The following THEMIS2 variants were observed in gnomAD, a reference collection of about 807,000 sequenced individuals.
THEMIS2 encodes protein THEMIS2.
In THEMIS2, 29 loss-of-function variants were observed where a neutral mutation model predicts 46.8. That is an observed-to-expected ratio of 0.62 (90% CI 0.46 to 0.84). The LOEUF is 0.84. Among genes scored for constraint, THEMIS2 ranks in the 40% least tolerant of loss-of-function variants. The probability of loss-of-function intolerance (pLI) is 0.00; values close to 1 mark genes in which losing one functional copy is unlikely to be tolerated. For missense variants in THEMIS2, 698 were observed against 834.7 expected, an observed-to-expected ratio of 0.84 and a Z score of 2.02; for synonymous variants, 335 against 349.1, an observed-to-expected ratio of 0.96 and a Z score of 0.45.
chr1:27,882,395 C>A lies in THEMIS2; in HGVS notation c.1071C>A (p.Gly357=), dbSNP rs771433067. 2.5e-6 allele frequency: 4 copies of A among 1,606,416 alleles called. No homozygotes were observed. The highest frequency in any genetic ancestry group is 3.4e-6 in the Non-Finnish European group (4 of 1,175,380). The change falls in exon 4 of 6, where the codon GGC becomes GGA. Residue 357 remains glycine (G), a synonymous_variant. Transcript: ENST00000373921. The surrounding 1 kb of genome is among the most constrained non-coding windows in gnomAD (Gnocchi z 7.6). The part of the protein sequence containing the change: ...LRVVATKDCE[G]EREENPEFTS... ...TGGTGGCCACAAAGGACTGTGAGGG[C>A]GAGAGGGAGGAGAATCCCGAGTTCA...
At chr1:27,875,857 T>C (rs1054147822) in intron 1 of THEMIS2, among the ~76,000 whole-genome samples, 23 of 152,126 alleles carry the variant, frequency 1.5e-4, no homozygotes, top group East Asian at 3.9e-4. Context: ...CCCGCCACCA[T>C]GCCTGGCTAA....
In THEMIS2 at chr1:27,882,579, C is replaced by A; in HGVS notation, c.1255C>A (p.Arg419=). Residue 419 remains arginine, a synonymous_variant, in exon 4 of 6, where the codon CGG becomes AGG. Transcript: ENST00000373921. This position sits in a 1 kb window ranked among gnomAD's most constrained non-coding sequence, Gnocchi z 7.6. ...ECKEEAESPE[R]VLLPFHFPGS... Reference sequence around the variant, plus strand: ...CAAAGAGGAGGCAGAGAGCCCAGAGCGGGTCCTGCTGCCCTTCCACTTCCC... The same window carrying A: ...CAAAGAGGAGGCAGAGAGCCCAGAGAGGGTCCTGCTGCCCTTCCACTTCCC... The A allele has an allele frequency of 5.0e-6, 8 of 1,614,132 alleles. No homozygotes were observed. The highest frequency in any genetic ancestry group is 6.8e-6 in the Non-Finnish European group (8 of 1,180,018).
intron 2 of THEMIS2, among the ~76,000 whole-genome samples, chr1:27,878,881 C>T (rs2089631048): frequency 6.6e-6 from 1 of 152,140 alleles, no homozygotes; most frequent in South Asian, 2.1e-4. Context: ...ATTCAGTTGT[C>T]CTGTTTCTTC....
intron 2 of THEMIS2, 147 bp downstream of exon 2, chr1:27,876,875 A>C: frequency 2.0e-4 from 205 of 1,005,076 alleles, no homozygotes; most frequent in Non-Finnish European, 2.7e-4. Flanking sequence ...ACCCAGCCTC[A>C]AGGGTGGGGA....
In THEMIS2 at chr1:27,882,297, C is replaced by A. The variant is rs770560386; in HGVS notation, c.973C>A (p.Arg325=). 6 of 1,601,688 alleles carry A rather than the reference C, an allele frequency of 3.7e-6. No homozygotes were observed. The highest frequency in any genetic ancestry group is 3.4e-6 in the Non-Finnish European group (4 of 1,173,108). ...LVSGGYQGKL[R]RRPREFPTAY... is the part of the protein sequence containing the mutation. ...GTCAGGGGGCTACCAAGGCAAGCTG[C>A]GGCGGCGGCCAAGGGAGTTCCCCAC... The change falls in exon 4 of 6, where the codon CGG becomes AGG. Residue 325 remains arginine (R), a synonymous_variant. Coordinates refer to ENST00000373921, the MANE Select transcript of THEMIS2 (RefSeq NM_001105556.3). This position sits in a 1 kb window ranked among gnomAD's most constrained non-coding sequence, Gnocchi z 7.6.
rs1487955528 is a variant in THEMIS2 at position 27,885,872 on chromosome 1, G to A, written c.1882G>A (p.Asp628Asn). ...TGACTCGGACTCTTTTGCAGATGAT[G>A]ATGAACATGATTATGAAGAAATACT... ...AKPQRQDLDD[D>N]EHDYEEILEQ... Residue 628 changes from aspartate (D) to asparagine (N), a missense_variant, in exon 6 of 6, where the codon GAT becomes AAT. Asp to Asn is a conservative substitution (Grantham distance 23). Transcript: ENST00000373921. 4.3e-6 allele frequency: 7 copies of A among 1,614,030 alleles called. No homozygotes were observed. The highest frequency in any genetic ancestry group is 1.1e-5 in the South Asian group (1 of 91,080).
chr1:27,881,426 G>A (rs1452605610), intron 3 of THEMIS2, among the ~76,000 whole-genome samples: 1 of 151,774 alleles, frequency 6.6e-6, no homozygotes, highest in Non-Finnish European at 1.5e-5. Context: ...ACTCCAGCCT[G>A]AGCGACAAGA....
At position 27,872,861 on chromosome 1, in the gene THEMIS2, TGACCTGCCCCGCA is replaced by T. The variant is rs894514664; in HGVS notation, c.94+198_94+210del. On this transcript the variant is annotated intron_variant, in intron 1 of 5. Coordinates refer to ENST00000373921, the MANE Select transcript of THEMIS2 (RefSeq NM_001105556.3). The surrounding 1 kb of genome is among the most constrained non-coding windows in gnomAD (Gnocchi z 4.9). Reference sequence around the variant, plus strand: ...TTTGCTTTCGTGGAACGGGGACCGCTGACCTGCCCCGCAGGGTAGTGATGAAAAGTCAGTGGGT... The same window carrying T: ...TTTGCTTTCGTGGAACGGGGACCGCTGGGTAGTGATGAAAAGTCAGTGGGT... Among the ~76,000 whole-genome samples the T allele has an allele frequency of 1.3e-5, 2 of 152,200 alleles. No homozygotes were observed. The highest frequency in any genetic ancestry group is 4.8e-5 in the African/African-American group (2 of 41,464).
At position 27,882,620 on chromosome 1, in the gene THEMIS2, G is replaced by A. The variant is rs553564971; in HGVS notation, c.1296G>A (p.Glu432=). Reference sequence around the variant, plus strand: ...TCCACTTCCCTGGCAGTTTCGTGGAGGAGATGAGTGACAGCCGGCGCTACA... The same window carrying A: ...TCCACTTCCCTGGCAGTTTCGTGGAAGAGATGAGTGACAGCCGGCGCTACA... The part of the protein sequence containing the change: ...LPFHFPGSFV[E]EMSDSRRYSL... The change falls in exon 4 of 6, where the codon GAG becomes GAA. Residue 432 remains glutamate (E), a synonymous_variant. Coordinates refer to ENST00000373921, the MANE Select transcript of THEMIS2 (RefSeq NM_001105556.3). The surrounding 1 kb of genome is among the most constrained non-coding windows in gnomAD (Gnocchi z 7.6). 1.9e-6 allele frequency: 3 copies of A among 1,614,216 alleles called. No individual in the cohort carries two copies. The highest frequency in any genetic ancestry group is 2.2e-5 in the South Asian group (2 of 91,090).
At position 27,879,975 on chromosome 1, in the gene THEMIS2, CCTCG is replaced by C; in HGVS notation, c.568_571del (p.Leu190SerfsTer12). ...TCCTACAGGATCCAGCCCTGAAAGA[CCTCG>C]TCCTCACCTGCCCCACCCTGCCCTG... On this transcript the variant is annotated frameshift_variant, in exon 3 of 6. Coordinates refer to ENST00000373921, the MANE Select transcript of THEMIS2 (RefSeq NM_001105556.3). LOFTEE classifies it high-confidence loss of function. The C allele has an allele frequency of 6.2e-7, 1 of 1,613,324 alleles. No individual in the cohort carries two copies.
chr1:27,885,566 T>G, intron 5 of THEMIS2, 115 bp downstream of exon 5: 1 of 1,328,870 alleles, frequency 7.5e-7, no homozygotes, highest in East Asian at 2.5e-5. Flanking sequence ...GGTCCCAGTT[T>G]GATGGACAGG....
rs767738249 is a variant in THEMIS2 at position 27,882,637 on chromosome 1, G to A, written c.1313G>A (p.Arg438Gln). Reference sequence around the variant, plus strand: ...TTCGTGGAGGAGATGAGTGACAGCCGGCGCTACAGCCTGGCAGATCTGACT... The same window carrying A: ...TTCGTGGAGGAGATGAGTGACAGCCAGCGCTACAGCCTGGCAGATCTGACT... ...GSFVEEMSDS[R>Q]RYSLADLTAQ... The change falls in exon 4 of 6, where the codon CGG becomes CAG. Residue 438 changes from arginine to glutamine, a missense_variant. Transcript: ENST00000373921. The surrounding 1 kb of genome is among the most constrained non-coding windows in gnomAD (Gnocchi z 7.6). 4.8e-5 allele frequency: 78 copies of A among 1,614,042 alleles called. No homozygotes were observed. The highest frequency in any genetic ancestry group is 5.8e-5 in the Non-Finnish European group (68 of 1,180,044).
At chr1:27,874,676 G>A (rs2089546999) in intron 1 of THEMIS2, among the ~76,000 whole-genome samples, 1 of 152,130 alleles carries the variant, frequency 6.6e-6, no homozygotes, top group Non-Finnish European at 1.5e-5. Flanking sequence ...CAGCAACTCA[G>A]GAGGCTGAGG....
Position 27,883,037 on chromosome 1 carries a change from C to A in THEMIS2, c.1713C>A (p.Gly571=). ...AGAGGAGACACAGCAGTGAGGGAGG[C>A]GTCAAGGTACTAGTATAATCCCAGA... The part of the protein sequence containing the change: ...SKQRRHSSEG[G]VKSSQVLGLQ... Residue 571 remains glycine (G), a synonymous_variant, in exon 4 of 6, where the codon GGC becomes GGA. Coordinates refer to ENST00000373921, the MANE Select transcript of THEMIS2 (RefSeq NM_001105556.3). 1 of 1,612,164 alleles carries A rather than the reference C, an allele frequency of 6.2e-7. No homozygotes were observed. The highest frequency in any genetic ancestry group is 8.5e-7 in the Non-Finnish European group (1 of 1,179,164).
intron 1 of THEMIS2, among the ~76,000 whole-genome samples, chr1:27,875,534 G>A (rs2089560033): frequency 6.6e-6 from 1 of 152,156 alleles, no homozygotes; most frequent in African/African-American, 2.4e-5. Flanking sequence ...GAGCTGCCCT[G>A]TGGGTGGGGC....
intron 1 of THEMIS2, among the ~76,000 whole-genome samples, chr1:27,874,033 G>GTTTTTTTTTTT (rs1256524975): frequency 0.19 from 17,712 of 95,698 alleles, 3,984 homozygotes; most frequent in African/African-American, 0.41. Flanking sequence ...TTCAACCTAG[G>GTTTTTTTTTTT]TTTTTTTTTT....
intron 3 of THEMIS2, among the ~76,000 whole-genome samples, chr1:27,881,141 A>T (rs2089671456): frequency 1.3e-5 from 2 of 152,116 alleles, no homozygotes; most frequent in South Asian, 4.2e-4. Context: ...AAAAAAAATA[A>T]AAATAGTAAT....
chr1:27,877,829 T>C (rs1372927086), intron 2 of THEMIS2, among the ~76,000 whole-genome samples: 1 of 152,126 alleles, frequency 6.6e-6, no homozygotes, highest in Non-Finnish European at 1.5e-5. Flanking sequence ...TGAGCTGATA[T>C]GTATACAGCA....
At chr1:27,878,148 A>T (rs970811527) in intron 2 of THEMIS2, among the ~76,000 whole-genome samples, 2 of 133,166 alleles carry the variant, frequency 1.5e-5, no homozygotes, top group Admixed American at 1.5e-4. Context: ...AAAAGTGGGG[A>T]GGGGGCACCT....
Sources: gnomAD v4.1 joint callset for allele counts (sites outside exome capture counted in the v4.1 genomes callset) on GRCh38, gnomAD v4.1.1 for gene constraint, Gnocchi (gnomAD v3.1) non-coding constraint, MANE v1.5 for transcripts, NCBI Gene and HGNC (gene_info 2026-07-23, HGNC 2026-07-21) for gene names.